The following HIVEP3 variants were observed in gnomAD, a reference collection of about 807,000 sequenced individuals.
HIVEP3 encodes transcription factor HIVEP3.
Under a neutral mutation model 152.8 loss-of-function variants are expected in HIVEP3, and 49 were observed. The observed-to-expected ratio is 0.32, with a 90% CI of 0.26 to 0.41. HIVEP3 has a LOEUF of 0.41. HIVEP3 is among the 10% of genes least tolerant of loss of function. HIVEP3 has a pLI of 1.00. For synonymous variants in HIVEP3, 1,269 were observed against 1,289.0 expected (o/e 0.98, Z 0.33); for missense variants, 2,790 against 3,103.3 (o/e 0.90, Z 2.40).
At chr1:41,695,962 C>T (rs1467204572) in intron 2 of HIVEP3, among the ~76,000 whole-genome samples, 1 of 152,168 alleles carries the variant, frequency 6.6e-6, no homozygotes, top group African/African-American at 2.4e-5. Flanking sequence ...ACGGTCAAGT[C>T]CCTGCCACCA....
chr1:41,512,708 A>T, intron 8 of HIVEP3, 108 bp downstream of exon 8: 1 of 863,088 alleles, frequency 1.2e-6, no homozygotes, highest in Non-Finnish European at 1.7e-6. Context: ...ATAACTACTG[A>T]GCTGGCAGAG....
chr1:41,677,866 G>A (rs1436170143), intron 2 of HIVEP3, among the ~76,000 whole-genome samples: 1 of 152,210 alleles, frequency 6.6e-6, no homozygotes, highest in Non-Finnish European at 1.5e-5. Flanking sequence ...ATAGTTTCCA[G>A]ATGGGCCTAA....
chr1:41,626,087 C>G (rs1304756758), intron 3 of HIVEP3, among the ~76,000 whole-genome samples: 1 of 152,246 alleles, frequency 6.6e-6, no homozygotes, highest in Non-Finnish European at 1.5e-5. Context: ...ACTTCAGGCC[C>G]CTTCTGAAGA....
chr1:41,976,202 C>G (rs1483622502), intron 1 of HIVEP3, among the ~76,000 whole-genome samples: 4 of 152,220 alleles, frequency 2.6e-5, no homozygotes, highest in Admixed American at 2.6e-4. Context: ...ACCACTCTTG[C>G]CGTACCTTTC....
At chr1:41,753,415 C>G (rs1647196540) in intron 1 of HIVEP3, among the ~76,000 whole-genome samples, 6 of 152,140 alleles carry the variant, frequency 3.9e-5, no homozygotes. Context: ...AATCCCAGCA[C>G]TTTGGACTTT....
At chr1:41,791,927 C>T (rs6701892) in intron 1 of HIVEP3, among the ~76,000 whole-genome samples, 46,054 of 151,692 alleles carry the variant, frequency 0.3, 8,328 homozygotes, top group Middle Eastern at 0.43. Flanking sequence ...TCCTCCATAT[C>T]CCTCCTCAGA....
At chr1:41,549,833 A>G (rs990978862) in intron 5 of HIVEP3, among the ~76,000 whole-genome samples, 5 of 151,884 alleles carry the variant, frequency 3.3e-5, no homozygotes, top group African/African-American at 1.2e-4. Flanking sequence ...TTGCCTGTTC[A>G]CTCTGATGGT....
intron 1 of HIVEP3, among the ~76,000 whole-genome samples, chr1:41,875,021 A>G (rs547618469): frequency 2.0e-5 from 3 of 152,258 alleles, no homozygotes; most frequent in African/African-American, 7.2e-5. Flanking sequence ...TCAATGAACA[A>G]CCTTGGCAGG....
chr1:41,906,734 A>C (rs1290919268), intron 1 of HIVEP3, among the ~76,000 whole-genome samples: 1 of 152,228 alleles, frequency 6.6e-6, no homozygotes, highest in Non-Finnish European at 1.5e-5. Flanking sequence ...GATGTCATGC[A>C]GTCAAAAGTG....
At chr1:41,724,078 G>A (rs2124173893) in intron 1 of HIVEP3, among the ~76,000 whole-genome samples, 1 of 152,202 alleles carries the variant, frequency 6.6e-6, no homozygotes, top group East Asian at 1.9e-4. Flanking sequence ...GAGGGGGGAG[G>A]GGCAGCTCGA....
chr1:41,544,876 C>T (rs868535275), intron 5 of HIVEP3, among the ~76,000 whole-genome samples: 7 of 72,686 alleles, frequency 9.6e-5, no homozygotes, highest in Admixed American at 1.3e-4. Context: ...ACCACCACCA[C>T]TACCACCTCT....
chr1:41,762,494 CA>C (rs1338346040), intron 1 of HIVEP3, among the ~76,000 whole-genome samples: 1 of 152,220 alleles, frequency 6.6e-6, no homozygotes, highest in Non-Finnish European at 1.5e-5. Context: ...GAGCTGTTAG[CA>C]TGCTCTAACA....
chr1:41,555,567 G>A (rs369705343), intron 5 of HIVEP3, among the ~76,000 whole-genome samples: 11 of 152,262 alleles, frequency 7.2e-5, no homozygotes, highest in Middle Eastern at 3.4e-3. Context: ...GAAATCACCC[G>A]TCTTCTGCGT....
intron 5 of HIVEP3, among the ~76,000 whole-genome samples, chr1:41,527,588 TCACA>T (rs777655208): frequency 1.8e-5 from 2 of 109,148 alleles, no homozygotes; most frequent in African/African-American, 7.5e-5. Flanking sequence ...ACTCAAGCAC[TCACA>T]CTCATTCGCA....
At chr1:41,636,631 A>C (rs1182998168) in intron 2 of HIVEP3, among the ~76,000 whole-genome samples, 1 of 152,244 alleles carries the variant, frequency 6.6e-6, no homozygotes, top group Non-Finnish European at 1.5e-5. Context: ...TAGCCAATAA[A>C]ATGGAGAAAG....
At chr1:41,697,924 G>C (rs1646302110) in intron 2 of HIVEP3, among the ~76,000 whole-genome samples, 2 of 152,180 alleles carry the variant, frequency 1.3e-5, no homozygotes, top group Admixed American at 1.3e-4. Flanking sequence ...CATAGACTCT[G>C]GGGCCAGACT....
intron 1 of HIVEP3, among the ~76,000 whole-genome samples, chr1:41,889,091 A>G (rs1346087893): frequency 6.8e-6 from 1 of 146,532 alleles, no homozygotes; most frequent in Non-Finnish European, 1.5e-5. Context: ...CATACGCCAC[A>G]TACCTCACAC....
At chr1:41,587,196 C>T (rs1644518261) in intron 3 of HIVEP3, among the ~76,000 whole-genome samples, 1 of 152,158 alleles carries the variant, frequency 6.6e-6, no homozygotes, top group African/African-American at 2.4e-5. Flanking sequence ...AATGACACCC[C>T]TCTGGTCATT....
intron 5 of HIVEP3, among the ~76,000 whole-genome samples, chr1:41,552,949 T>C (rs1428166403): frequency 6.6e-6 from 1 of 152,222 alleles, no homozygotes; most frequent in Non-Finnish European, 1.5e-5. Flanking sequence ...AAGTGCTATG[T>C]GGTGCTGAGA....
Sources: allele counts gnomAD v4.1 joint callset (sites outside exome capture counted in the v4.1 genomes callset), GRCh38; gene constraint gnomAD v4.1.1; transcripts MANE v1.5; gene names NCBI Gene and HGNC (gene_info 2026-07-23, HGNC 2026-07-21).